Variants in RAI14 observed in about 807,000 individuals in gnomAD.
The protein encoded by RAI14 is retinoic acid induced 14, also known as ankycorbin.
RAI14 carries 45 observed loss-of-function variants against 115.4 expected under a neutral mutation model. That is an observed-to-expected ratio of 0.39 (90% confidence interval 0.31 to 0.50). The LOEUF is 0.50. Among genes scored for constraint, RAI14 ranks in the 20% least tolerant of loss-of-function variants. The pLI is 0.85. For synonymous variants in RAI14, 371 were observed against 415.4 expected (o/e 0.89, Z 1.30); for missense variants, 939 against 1,131.2 (o/e 0.83, Z 2.44).
At chr5:34,819,044 A>G (rs1756565741) in intron 13 of RAI14, among the ~76,000 whole-genome samples, 193 bp downstream of exon 13, 1 of 152,210 alleles carries the variant, frequency 6.6e-6, no homozygotes, top group African/African-American at 2.4e-5. Flanking sequence ...CATTTTAAAG[A>G]GTCTCTGAAT....
At chr5:34,720,234 G>A (rs1452275359) in intron 2 of RAI14, among the ~76,000 whole-genome samples, 2 of 151,988 alleles carry the variant, frequency 1.3e-5, no homozygotes, top group African/African-American at 4.8e-5. Flanking sequence ...GAAAAAGAAT[G>A]GACACATAAT....
At chr5:34,805,712 A>G (rs917194447) in intron 5 of RAI14, among the ~76,000 whole-genome samples, 1 of 152,040 alleles carries the variant, frequency 6.6e-6, no homozygotes, top group Non-Finnish European at 1.5e-5. Flanking sequence ...GTGGTGGTGC[A>G]TGCCTGTAAT....
chr5:34,775,824 T>A (rs893476872), intron 3 of RAI14, among the ~76,000 whole-genome samples: 1 of 152,160 alleles, frequency 6.6e-6, no homozygotes, highest in African/African-American at 2.4e-5. Context: ...TTGGGGAGAA[T>A]GTAAATTAGT....
chr5:34,710,763 A>G (rs1453312633), intron 2 of RAI14, among the ~76,000 whole-genome samples: 1 of 151,352 alleles, frequency 6.6e-6, no homozygotes, highest in Non-Finnish European at 1.5e-5. Context: ...ATTCTTATCA[A>G]TGAGTGAGCT....
chr5:34,755,194 C>T (rs1011787808), intron 2 of RAI14, among the ~76,000 whole-genome samples: 3 of 151,900 alleles, frequency 2.0e-5, no homozygotes, highest in East Asian at 1.9e-4. Flanking sequence ...TGTTAAGTTA[C>T]GCTTTCTATT....
chr5:34,811,832 G>C lies in RAI14; in HGVS notation c.623G>C (p.Gly208Ala). The change falls in exon 9 of 18, where the codon GGT becomes GCT. Residue 208 changes from glycine to alanine, a missense_variant. By Grantham distance (60) the Gly-to-Ala change is moderately conservative. Transcript: ENST00000265109. ...GCTGTGGAAGCCTTAATTAAAAAGG[G>C]TGCAGACCTAAACCTTGTAGATTCT... is the stretch of plus-strand genomic sequence containing the variant. ...SNAVEALIKK[G>A]ADLNLVDSLG... The C allele has an allele frequency of 6.2e-7, 1 of 1,613,270 alleles. No individual in the cohort carries two copies. Among genetic ancestry groups the C allele is most frequent in the Non-Finnish European group, 8.5e-7 (1 of 1,179,532 alleles).
At chr5:34,821,943 T>C in intron 14 of RAI14, 93 bp downstream of exon 14, 2 of 631,904 alleles carry the variant, frequency 3.2e-6, no homozygotes, top group Non-Finnish European at 5.4e-6. Context: ...AATGTGTACA[T>C]TAGTTTCTTT....
Position 34,829,720 on chromosome 5 carries a change from T to C in RAI14, c.2800-12T>C, listed in dbSNP as rs1302481925. 2 of 1,600,110 alleles carry C rather than the reference T, an allele frequency of 1.2e-6. No homozygotes were observed. The highest frequency in any genetic ancestry group is 2.7e-5 in the African/African-American group (2 of 74,398). On this transcript the variant is annotated splice_polypyrimidine_tract_variant and intron_variant, in intron 16 of 17. Transcript: ENST00000265109. ...TTAAGCTCATTAATAATGTGAAATA[T>C]TCCCTTTCTAGGAATGCAAGAAACA... is the stretch of plus-strand genomic sequence containing the variant.
rs1446835418 is a variant in RAI14 at position 34,832,074 on chromosome 5, C to G, written c.*1309C>G. The stretch of plus-strand genomic sequence containing the variant: ...TCAGGTTAAAAATGTTTCTAACACG[C>G]TTGCAACTTCCCTTATGGCATTAAT... On this transcript the variant is annotated 3_prime_UTR_variant, in exon 18 of 18. Transcript: ENST00000265109. 1.3e-5 allele frequency: 2 copies of G among 152,208 alleles called. No individual in the cohort carries two copies. Among genetic ancestry groups the G allele is most frequent in the African/African-American group, 2.4e-5 (1 of 41,448 alleles). The allele number at this position is 152,208 out of a possible 1,614,324, so 9.4% of individuals were successfully genotyped here.
At chr5:34,724,964 C>T (rs1743261156) in intron 2 of RAI14, among the ~76,000 whole-genome samples, 1 of 151,846 alleles carries the variant, frequency 6.6e-6, no homozygotes, top group Non-Finnish European at 1.5e-5. Flanking sequence ...GGTTACCAAG[C>T]TTGTGCACTC....
rs761936666 is a variant in RAI14, at chr5:34,823,938, T to G, written c.2096T>G (p.Leu699Arg). 6.2e-7 allele frequency: 1 copy of G among 1,614,196 alleles called. No homozygotes were observed. The highest frequency in any genetic ancestry group is 8.5e-7 in the Non-Finnish European group (1 of 1,180,034). The change falls in exon 15 of 18, where the codon CTG becomes CGG. Residue 699 changes from leucine to arginine, a missense_variant. Physicochemically the swap from Leu to Arg is moderately radical, Grantham distance 102. Transcript: ENST00000265109. This position sits in a 1 kb window ranked among gnomAD's most constrained non-coding sequence, Gnocchi z 4.5. The part of the protein sequence containing the change: ...NVSRAKAEDA[L>R]SEMKSQYSKV... ...TCCAGGGCTAAAGCAGAAGATGCAC[T>G]GTCTGAAATGAAGTCTCAGTATTCA...
chr5:34,659,352 C>A (rs536174526), intron 1 of RAI14, among the ~76,000 whole-genome samples: 2 of 152,210 alleles, frequency 1.3e-5, no homozygotes, highest in Non-Finnish European at 2.9e-5. Context: ...ACTACAGCCT[C>A]AATCTCCTGG....
Position 34,695,188 on chromosome 5 carries a change from C to T in RAI14, c.36+8233C>T, listed in dbSNP as rs527487856. On this transcript the variant is annotated intron_variant, in intron 2 of 17. Transcript: ENST00000265109. ...TTGCTGGAATTATAGGTGTGAGCCA[C>T]CGTGCCTGGCCTGTTCATTCTTTGA... Among the ~76,000 whole-genome samples, 249 of 152,298 alleles carry T rather than the reference C, an allele frequency of 1.6e-3. 1 individual carries two copies. Among genetic ancestry groups the T allele is most frequent in the African/African-American group, 5.7e-3 (238 of 41,564 alleles).
chr5:34,811,406 A>G (rs576216686), intron 8 of RAI14, among the ~76,000 whole-genome samples: 1 of 152,248 alleles, frequency 6.6e-6, no homozygotes, highest in Non-Finnish European at 1.5e-5. Flanking sequence ...AAACAAACCT[A>G]TTGGTTGTTT....
In RAI14 at chr5:34,755,157, A is replaced by T. The variant is rs879622196; in HGVS notation, c.37-2311A>T. 6.3e-3 allele frequency among the ~76,000 whole-genome samples: 963 copies of T among 152,170 alleles called. 5 individuals carry two copies. The highest frequency in any genetic ancestry group is 0.01 in the Non-Finnish European group (704 of 68,006). Reference sequence around the variant, plus strand: ...GCTGCACTGTGTTTCTTGGGGCTTGATCATTTGCTGTAGTTGTTTGTACAG... The same window carrying T: ...GCTGCACTGTGTTTCTTGGGGCTTGTTCATTTGCTGTAGTTGTTTGTACAG... On this transcript the variant is annotated intron_variant, in intron 2 of 17. Transcript: ENST00000265109.
chr5:34,754,530 T>TTTCACCGTGTTAGCCAGGATGG (rs1215290289), intron 2 of RAI14, among the ~76,000 whole-genome samples: 83 of 133,982 alleles, frequency 6.2e-4, no homozygotes, highest in Middle Eastern at 4.2e-3. Context: ...GCCCAGGCTC[T>TTTCACCGTGTTAGCCAGGATGG]TACCTTCCCT....
chr5:34,801,365 AGTTT>A (rs1485724539), intron 4 of RAI14, among the ~76,000 whole-genome samples: 1 of 152,206 alleles, frequency 6.6e-6, no homozygotes, highest in Non-Finnish European at 1.5e-5. Context: ...ATGGCCCACT[AGTTT>A]TTAAATACAG....
At chr5:34,700,447 A>G (rs1428914842) in intron 2 of RAI14, among the ~76,000 whole-genome samples, 4 of 152,196 alleles carry the variant, frequency 2.6e-5, no homozygotes, top group African/African-American at 9.7e-5. Context: ...GCAGTCTTGG[A>G]CACAGTAGGA....
intron 2 of RAI14, among the ~76,000 whole-genome samples, chr5:34,697,912 T>A (rs1378779556): frequency 1.3e-5 from 2 of 152,142 alleles, no homozygotes; most frequent in African/African-American, 4.8e-5. Flanking sequence ...TGGTAGAATG[T>A]CCACTTCCTA....
Sources: allele counts gnomAD v4.1 joint callset (sites outside exome capture counted in the v4.1 genomes callset), GRCh38; gene constraint gnomAD v4.1.1; non-coding constraint Gnocchi (gnomAD v3.1); transcripts MANE v1.5; gene names NCBI Gene and HGNC (gene_info 2026-07-23, HGNC 2026-07-21).